Variants in EBF3 observed in about 807,000 individuals in gnomAD.
EBF3 encodes transcription factor COE3.
EBF3 carries 18 observed loss-of-function variants against 77.1 expected under a neutral mutation model. The ratio of observed to expected loss-of-function variants is 0.23; its 90% confidence interval spans 0.16 to 0.35. EBF3 has a LOEUF of 0.35. Among genes scored for constraint, EBF3 ranks in the 10% least tolerant of loss-of-function variants. The pLI is 1.00. For synonymous variants in EBF3, 350 were observed against 343.5 expected, an observed-to-expected ratio of 1.02 and a Z score of -0.21; for missense variants, 558 against 860.0, an observed-to-expected ratio of 0.65 and a Z score of 4.39.
chr10:129,920,354 G>A (rs1451981381), intron 6 of EBF3, among the ~76,000 whole-genome samples: 3 of 151,432 alleles, frequency 2.0e-5, no homozygotes, highest in African/African-American at 2.4e-5. Flanking sequence ...AACCCGCCCC[G>A]CTGTGCGGTC....
rs1052116373 is a variant in EBF3, at chr10:129,861,937, G to A, written c.1039+5204C>T. Among the ~76,000 whole-genome samples the A allele has an allele frequency of 6.6e-5, 10 of 152,180 alleles. No homozygotes were observed. Among genetic ancestry groups the A allele is most frequent in the East Asian group, 5.8e-4 (3 of 5,190 alleles). The stretch of plus-strand genomic sequence containing the variant: ...GCTGGCGTGGTCGAAGGGCACAGTC[G>A]ACTCCGCAGTGCTGACGGGACCGCC... On this transcript the variant is annotated intron_variant, in intron 10 of 16. Coordinates refer to ENST00000440978, the MANE Select transcript of EBF3 (RefSeq NM_001375380.1). The surrounding 1 kb of genome is among the most constrained non-coding windows in gnomAD (Gnocchi z 4.3).
intron 11 of EBF3, among the ~76,000 whole-genome samples, chr10:129,847,815 A>C (rs1257199558): frequency 6.6e-6 from 1 of 152,264 alleles, no homozygotes; most frequent in Non-Finnish European, 1.5e-5. Context: ...GCGTGTGCAT[A>C]AACAACGCGG....
intron 6 of EBF3, among the ~76,000 whole-genome samples, chr10:129,886,372 C>A (rs1853585634): frequency 6.6e-6 from 1 of 152,218 alleles, no homozygotes. Context: ...ATGAGGGGCA[C>A]ATGTGTGCAA....
At chr10:129,951,757 G>A (rs1197247081) in intron 6 of EBF3, among the ~76,000 whole-genome samples, 4 of 152,370 alleles carry the variant, frequency 2.6e-5, no homozygotes, top group South Asian at 4.1e-4. Context: ...TGCAGCCGGC[G>A]TGGTGCACAC....
intron 6 of EBF3, among the ~76,000 whole-genome samples, chr10:129,918,989 G>A (rs1856084130): frequency 6.6e-6 from 1 of 152,190 alleles, no homozygotes; most frequent in South Asian, 2.1e-4. Context: ...GCTTACCAAG[G>A]GCAAGGGTAC....
chr10:129,945,643 C>G (rs1858151412), intron 6 of EBF3, among the ~76,000 whole-genome samples: 1 of 152,194 alleles, frequency 6.6e-6, no homozygotes, highest in Non-Finnish European at 1.5e-5. Context: ...TGTAACATGA[C>G]AGTTAAACCA....
At chr10:129,950,201 C>G (rs1461350249) in intron 6 of EBF3, among the ~76,000 whole-genome samples, 2 of 152,164 alleles carry the variant, frequency 1.3e-5, no homozygotes, top group Admixed American at 1.3e-4. Flanking sequence ...AACACAACCG[C>G]GAGCCCCTTC....
At chr10:129,884,534 T>A in intron 6 of EBF3, among the ~76,000 whole-genome samples, 1 of 152,332 alleles carries the variant, frequency 6.6e-6, no homozygotes, top group South Asian at 2.1e-4. Context: ...ACCAGACTTA[T>A]TAAATTCTTG....
intron 6 of EBF3, among the ~76,000 whole-genome samples, chr10:129,909,922 C>T (rs533537634): frequency 1.8e-4 from 27 of 152,256 alleles, no homozygotes; most frequent in Admixed American, 6.5e-4. Flanking sequence ...GAAATCAATA[C>T]GCCTCACAAA....
At chr10:129,840,575 C>T (rs529567165) in intron 14 of EBF3, 133 bp from the exon 15 acceptor site, 31 of 1,078,488 alleles carry the variant, frequency 2.9e-5, no homozygotes, top group East Asian at 2.9e-4. Flanking sequence ...GGCTCGGCCA[C>T]GCTCTGGATA....
rs192755604 is a variant in EBF3 at position 129,890,530 on chromosome 10, C to A, written c.555-12681G>T. ...GGGCACGGCTTTAAGGCACCGTCAA[C>A]CAATTAGTTTAACTCGATCAGCTAG... On this transcript the variant is annotated intron_variant, in intron 6 of 16. Transcript: ENST00000440978. Among the ~76,000 whole-genome samples the A allele has an allele frequency of 9.8e-5, 15 of 152,332 alleles. No homozygotes were observed. In the East Asian group the frequency reaches 2.9e-3, roughly 29 times the overall value.
intron 6 of EBF3, among the ~76,000 whole-genome samples, chr10:129,878,237 A>T (rs1474340809): frequency 6.6e-6 from 1 of 152,344 alleles, no homozygotes; most frequent in East Asian, 1.9e-4. Context: ...TGAATTTTGG[A>T]TAAACAAAAA....
intron 6 of EBF3, among the ~76,000 whole-genome samples, chr10:129,939,549 G>A (rs891129091): frequency 6.6e-6 from 1 of 152,046 alleles, no homozygotes; most frequent in Non-Finnish European, 1.5e-5. Flanking sequence ...TCTTTGTTTT[G>A]CCAAGCGTGG....
At chr10:129,934,600 T>A (rs745425338) in intron 6 of EBF3, among the ~76,000 whole-genome samples, 52 of 152,190 alleles carry the variant, frequency 3.4e-4, no homozygotes, top group Non-Finnish European at 6.5e-4. Flanking sequence ...AGTGGCATGC[T>A]TAGCGGTGGG....
rs1478025679 is a variant in EBF3 at position 129,839,159 on chromosome 10, T to G, written c.1796A>C (p.Lys599Thr). ...GACTTCACAAAAGGGCCAGTTTGTCTTCTCCGCGGCTACGTCCTCAGCACC... is the reference window on the plus strand; with the variant it reads ...GACTTCACAAAAGGGCCAGTTTGTCGTCTCCGCGGCTACGTCCTCAGCACC... ...LLGAEDVAAEKTNWPFCEVGG... is the reference protein window; with the variant it reads ...LLGAEDVAAETTNWPFCEVGG... The change falls in exon 16 of 17, where the codon AAG becomes ACG. Residue 599 changes from lysine (K) to threonine (T), a missense_variant. Physicochemically the swap from Lys to Thr is moderately conservative, Grantham distance 78. Transcript: ENST00000440978. The G allele has an allele frequency of 1.5e-6, 2 of 1,304,196 alleles. No individual in the cohort carries two copies. The highest frequency in any genetic ancestry group is 2.0e-6 in the Non-Finnish European group (2 of 988,916). The allele number at this position is 1,304,196 out of a possible 1,614,324, so 80.8% of individuals were successfully genotyped here. A position where few individuals can be genotyped will look rare whatever the true frequency, so the allele number is the denominator to read the frequency against.
At chr10:129,910,285 G>C (rs1481996456) in intron 6 of EBF3, among the ~76,000 whole-genome samples, 1 of 152,182 alleles carries the variant, frequency 6.6e-6, no homozygotes, top group African/African-American at 2.4e-5. Flanking sequence ...GGCCAGTACG[G>C]GGCCTGAAAG....
rs1244881781 is a variant in EBF3, at chr10:129,885,580, T to C, written c.555-7731A>G. On this transcript the variant is annotated intron_variant, in intron 6 of 16. Transcript: ENST00000440978. The surrounding 1 kb of genome is among the most constrained non-coding windows in gnomAD (Gnocchi z 4.0). The stretch of plus-strand genomic sequence containing the variant: ...TTCTTGTTTCAAGTGCCTATCTTTC[T>C]TTCCCCCCTTTACCTATTTCTCTAT... Among the ~76,000 whole-genome samples the C allele has an allele frequency of 6.6e-6, 1 of 151,736 alleles. No individual in the cohort carries two copies.
intron 6 of EBF3, among the ~76,000 whole-genome samples, chr10:129,882,771 G>A (rs553797291): frequency 1.3e-5 from 2 of 152,306 alleles, no homozygotes; most frequent in East Asian, 1.9e-4. Context: ...AGCTAAGAAC[G>A]TATCCACTTT....
At chr10:129,850,637 G>A (rs1480193307) in intron 10 of EBF3, among the ~76,000 whole-genome samples, 2 of 152,306 alleles carry the variant, frequency 1.3e-5, no homozygotes, top group Non-Finnish European at 2.9e-5. Flanking sequence ...GAAGCCCAGT[G>A]AGTTCACGTT....
Sources: gnomAD v4.1 joint callset for allele counts (sites outside exome capture counted in the v4.1 genomes callset) on GRCh38, gnomAD v4.1.1 for gene constraint, Gnocchi (gnomAD v3.1) non-coding constraint, MANE v1.5 for transcripts, NCBI Gene and HGNC (gene_info 2026-07-23, HGNC 2026-07-21) for gene names.